MACROD2: variants seen among roughly 807,000 people sequenced by gnomAD.
The protein encoded by MACROD2 is ADP-ribose glycohydrolase MACROD2.
Under a neutral mutation model 70.4 loss-of-function variants are expected in MACROD2, and 36 were observed. The ratio of observed to expected loss-of-function variants is 0.51; its 90% CI spans 0.39 to 0.68. MACROD2 has a LOEUF of 0.68. Among genes scored for constraint, MACROD2 ranks in the 30% least tolerant of loss-of-function variants. The pLI is 0.00. For synonymous variants in MACROD2, 172 were observed against 178.8 expected, an observed-to-expected ratio of 0.96 and a Z score of 0.30; for missense variants, 496 against 538.4, an observed-to-expected ratio of 0.92 and a Z score of 0.78.
At chr20:14,500,289 G>A (rs565434810) in intron 4 of MACROD2, among the ~76,000 whole-genome samples, 3 of 152,292 alleles carry the variant, frequency 2.0e-5, no homozygotes, top group African/African-American at 4.8e-5. Flanking sequence ...GGTGATGTGG[G>A]TAGCAAACCT....
chr20:14,714,820 T>C (rs2071379352), intron 5 of MACROD2, among the ~76,000 whole-genome samples: 1 of 152,224 alleles, frequency 6.6e-6, no homozygotes, highest in Non-Finnish European at 1.5e-5. Flanking sequence ...CTATCTCTCC[T>C]TTGCAGCTTT....
intron 6 of MACROD2, among the ~76,000 whole-genome samples, chr20:15,279,495 A>G (rs1416313440): frequency 6.6e-6 from 1 of 152,218 alleles, no homozygotes; most frequent in Non-Finnish European, 1.5e-5. Context: ...TCAATTAATA[A>G]TGCAATACCA....
At chr20:14,998,161 G>A (rs1289154689) in intron 5 of MACROD2, among the ~76,000 whole-genome samples, 2 of 152,170 alleles carry the variant, frequency 1.3e-5, no homozygotes, top group Non-Finnish European at 2.9e-5. Flanking sequence ...AGCCCAAACT[G>A]CAGAGGTTAC....
At chr20:14,418,430 A>G (rs1016653937) in intron 3 of MACROD2, among the ~76,000 whole-genome samples, 1 of 152,150 alleles carries the variant, frequency 6.6e-6, no homozygotes, top group Non-Finnish European at 1.5e-5. Context: ...CCATTTGTCT[A>G]TTTGACAAAG....
At chr20:14,995,621 A>G (rs2074942715) in intron 5 of MACROD2, among the ~76,000 whole-genome samples, 1 of 152,194 alleles carries the variant, frequency 6.6e-6, no homozygotes, top group South Asian at 2.1e-4. Flanking sequence ...TACATGAAAA[A>G]TTCATATACA....
intron 10 of MACROD2, among the ~76,000 whole-genome samples, chr20:15,895,850 G>T (rs189788773): frequency 1.2e-4 from 18 of 152,306 alleles, no homozygotes; most frequent in African/African-American, 3.8e-4. Context: ...CCGCATTGAG[G>T]TGCATCCACC....
At chr20:14,232,031 C>G (rs1470857732) in intron 3 of MACROD2, among the ~76,000 whole-genome samples, 1 of 152,012 alleles carries the variant, frequency 6.6e-6, no homozygotes, top group Admixed American at 6.5e-5. Context: ...ATTGTAGATT[C>G]TGGATGTTAG....
intron 8 of MACROD2, among the ~76,000 whole-genome samples, chr20:15,514,310 T>A (rs2047538776): frequency 6.6e-6 from 1 of 152,174 alleles, no homozygotes; most frequent in South Asian, 2.1e-4. Flanking sequence ...CCAGAGTAAC[T>A]CCTAGTCCTG....
intron 10 of MACROD2, among the ~76,000 whole-genome samples, chr20:15,924,266 A>C (rs1423343222): frequency 2.6e-5 from 4 of 152,234 alleles, no homozygotes; most frequent in African/African-American, 7.2e-5. Context: ...ACAACCTCAG[A>C]TATATGTGTA....
chr20:14,153,315 C>T lies in MACROD2; in HGVS notation c.271+67587C>T, dbSNP rs577809678. 2.1e-4 allele frequency among the ~76,000 whole-genome samples: 32 copies of T among 152,110 alleles called. No homozygotes were observed. The South Asian group carries it at 6.0e-3, about 29-fold the overall frequency. On this transcript the variant is annotated intron_variant, in intron 3 of 17. Coordinates refer to ENST00000684519, the MANE Select transcript of MACROD2 (RefSeq NM_001351661.2). ...TATAGAGAAAAATCCAATGCAAAAC[C>T]GTCCTAGTGGGTGTCAGGTAACCCT... is the stretch of plus-strand genomic sequence containing the variant.
chr20:16,049,189 T>C (rs1253688157), intron 17 of MACROD2, among the ~76,000 whole-genome samples: 1 of 152,128 alleles, frequency 6.6e-6, no homozygotes. Context: ...TCCAGGGTGA[T>C]GTCATGTATA....
chr20:14,096,453 T>G (rs2054227929), intron 3 of MACROD2, among the ~76,000 whole-genome samples: 1 of 143,036 alleles, frequency 7.0e-6, no homozygotes, highest in Non-Finnish European at 1.5e-5. Flanking sequence ...CACAATATCC[T>G]CCTCCCCAGT....
intron 5 of MACROD2, 100 bp downstream of exon 5, chr20:14,685,059 A>C: frequency 1.1e-6 from 1 of 909,774 alleles, no homozygotes; most frequent in Non-Finnish European, 1.7e-6. Flanking sequence ...GTGGTATTTA[A>C]TTAAATGTGC....
chr20:14,749,098 G>A (rs2071836266), intron 5 of MACROD2, among the ~76,000 whole-genome samples: 1 of 151,978 alleles, frequency 6.6e-6, no homozygotes, highest in African/African-American at 2.4e-5. Flanking sequence ...TTAACATAGT[G>A]ACACAAACAC....
chr20:15,481,827 G>A (rs1034077498), intron 7 of MACROD2, among the ~76,000 whole-genome samples: 4 of 152,172 alleles, frequency 2.6e-5, no homozygotes, highest in African/African-American at 7.2e-5. Context: ...CTAAGACAGG[G>A]CTGGCTTCTG....
chr20:16,047,238 G>T (rs2067395494), intron 17 of MACROD2, among the ~76,000 whole-genome samples: 1 of 152,114 alleles, frequency 6.6e-6, no homozygotes, highest in African/African-American at 2.4e-5. Flanking sequence ...CTTGCTCCAT[G>T]AATCATACCT....
intron 8 of MACROD2, among the ~76,000 whole-genome samples, chr20:15,839,382 T>G (rs997136293): frequency 1.3e-5 from 2 of 152,090 alleles, no homozygotes; most frequent in Non-Finnish European, 1.5e-5. Flanking sequence ...TTCCTTGACT[T>G]TTTCCTTGGC....
At chr20:14,375,520 C>T (rs369634335) in intron 3 of MACROD2, among the ~76,000 whole-genome samples, 14 of 151,958 alleles carry the variant, frequency 9.2e-5, no homozygotes, top group Admixed American at 2.0e-4. Flanking sequence ...AAGGGGAGAA[C>T]GAAGAGGTTT....
intron 10 of MACROD2, among the ~76,000 whole-genome samples, chr20:15,902,011 G>T (rs1276419128): frequency 6.6e-6 from 1 of 152,222 alleles, no homozygotes; most frequent in African/African-American, 2.4e-5. Context: ...AACCCTGGGG[G>T]AGGTCCCCCA....
Sources: allele counts gnomAD v4.1 joint callset (sites outside exome capture counted in the v4.1 genomes callset), GRCh38; gene constraint gnomAD v4.1.1; transcripts MANE v1.5; gene names NCBI Gene and HGNC (gene_info 2026-07-23, HGNC 2026-07-21).